TPCN2: variants seen among roughly 807,000 people sequenced by gnomAD.
The protein encoded by TPCN2 is two pore channel protein 2.
TPCN2 carries 92 observed loss-of-function variants against 111.4 expected under a neutral mutation model. The ratio of observed to expected loss-of-function variants is 0.83; its 90% CI spans 0.70 to 0.98. TPCN2 has a LOEUF of 0.98. Ranked by LOEUF, TPCN2 falls within the 50% of genes least tolerant of loss-of-function variation. TPCN2 has a pLI of 0.00. For missense variants in TPCN2, 995 were observed against 980.1 expected, an observed-to-expected ratio of 1.02 and a Z score of -0.20; for synonymous variants, 405 against 414.5, an observed-to-expected ratio of 0.98 and a Z score of 0.28.
At chr11:69,072,083 G>C (rs577078930) in intron 11 of TPCN2, 60 bp downstream of exon 11, 1 of 1,449,894 alleles carries the variant, frequency 6.9e-7, no homozygotes, top group African/African-American at 1.4e-5. Flanking sequence ...TGCTGGGCAG[G>C]GGCCGGGTGT....
intron 9 of TPCN2, among the ~76,000 whole-genome samples, chr11:69,070,855 T>C (rs1218501410): frequency 0.053 from 1,878 of 35,642 alleles, no homozygotes; most frequent in African/African-American, 0.062. Context: ...CAGGGATCCC[T>C]CACCAACAGC....
intron 2 of TPCN2, 34 bp from the exon 3 acceptor site, chr11:69,054,687 C>G: frequency 6.2e-7 from 1 of 1,601,202 alleles, no homozygotes. Context: ...CTGCATGCAC[C>G]CATGTCATGC....
At chr11:69,053,037 G>C (rs1377457217) in intron 1 of TPCN2, among the ~76,000 whole-genome samples, 1 of 152,214 alleles carries the variant, frequency 6.6e-6, no homozygotes, top group African/African-American at 2.4e-5. Flanking sequence ...CGGGTGGGTG[G>C]CCCAGGCTCC....
At chr11:69,059,452 T>C (rs978647123) in intron 5 of TPCN2, among the ~76,000 whole-genome samples, 3 of 152,180 alleles carry the variant, frequency 2.0e-5, no homozygotes, top group African/African-American at 7.2e-5. Flanking sequence ...CTCTTCACCA[T>C]GTTCACTCCC....
rs535353344 is a variant in TPCN2, at chr11:69,071,809, C to A, written c.961-114C>A. The A allele has an allele frequency of 1.3e-5, 12 of 952,436 alleles. No homozygotes were observed. The South Asian group carries it at 1.5e-4, about 12-fold the overall frequency. 59.0% of individuals were successfully genotyped at this position (952,436 alleles called of 1,614,324 possible). On this transcript the variant is annotated intron_variant, in intron 10 of 24. Coordinates refer to ENST00000294309, the MANE Select transcript of TPCN2 (RefSeq NM_139075.4). ...CCCCCAGGCTGTGGGGAACTGGGCC[C>A]CCCCCCAAGGCTGCCCAGACTCCCC...
At position 69,072,941 on chromosome 11, in the gene TPCN2, G is replaced by C. The variant is rs760456371; in HGVS notation, c.1170G>C (p.Leu390=). 5.0e-6 allele frequency: 8 copies of C among 1,613,746 alleles called. No individual in the cohort carries two copies. The highest frequency in any genetic ancestry group is 1.7e-5 in the Admixed American group (1 of 60,002). The part of the protein sequence containing the change: ...MEKVRSYGSV[L]LSAEEFQKLF... ...AGGTGCGTTCCTATGGCAGTGTTCT[G>C]CTCTCAGCTGAGGAGTTTCAGAAGC... Residue 390 remains leucine (L), a synonymous_variant, in exon 13 of 25, where the codon CTG becomes CTC. Transcript: ENST00000294309.
At position 69,067,639 on chromosome 11, in the gene TPCN2, C is replaced by T. The variant is rs377579156; in HGVS notation, c.829+34C>T. ...AGGGCCAGGGAGGGACCGTGGGGGT[C>T]GGTGAGCCCAGCACTGGGGGGCCGG... On this transcript the variant is annotated intron_variant, in intron 8 of 24. Transcript: ENST00000294309. 98 of 1,605,522 alleles carry T rather than the reference C, an allele frequency of 6.1e-5. No individual in the cohort carries two copies. In the African/African-American group the frequency reaches 1.0e-3, roughly 17 times the overall value.
At position 69,089,242 on chromosome 11, in the gene TPCN2, TAATAACAATAAC is replaced by T. The variant is rs56042883; in HGVS notation, c.*1306_*1317del. ...TGAGTTTCTTTTTACTCGTGTTGAATAATAACAATAACAATAACAATAACAATATGGAAACCA... is the reference window on the plus strand; with the variant it reads ...TGAGTTTCTTTTTACTCGTGTTGAATAATAACAATAACAATATGGAAACCA... On this transcript the variant is annotated 3_prime_UTR_variant, in exon 25 of 25. Transcript: ENST00000294309. 4 of 151,238 alleles carry T rather than the reference TAATAACAATAAC, an allele frequency of 2.6e-5. No individual in the cohort carries two copies. Among genetic ancestry groups the T allele is most frequent in the Non-Finnish European group, 4.4e-5 (3 of 67,716 alleles). The allele number at this position is 151,238 out of a possible 1,614,324, so 9.4% of individuals were successfully genotyped here.
At chr11:69,058,887 T>C (rs1854896106) in intron 5 of TPCN2, among the ~76,000 whole-genome samples, 1 of 152,284 alleles carries the variant, frequency 6.6e-6, no homozygotes, top group Admixed American at 6.5e-5. Context: ...TATCATGTTC[T>C]GTAACTTACA....
intron 4 of TPCN2, among the ~76,000 whole-genome samples, chr11:69,055,898 G>A (rs563809703): frequency 3.3e-5 from 5 of 152,366 alleles, no homozygotes; most frequent in African/African-American, 1.2e-4. Flanking sequence ...AAAGAGAAGA[G>A]GAGAGGAGGT....
chr11:69,050,049 G>A (rs1861151856), intron 1 of TPCN2, among the ~76,000 whole-genome samples: 2 of 152,220 alleles, frequency 1.3e-5, no homozygotes, highest in African/African-American at 4.8e-5. Flanking sequence ...AAGGAACTGG[G>A]TTGGAATCCT....
rs1856385234 is a variant in TPCN2, at chr11:69,089,755, A to G, written c.*1802A>G. ...TAGTGTGAAGCGATGCCAATATCCC[A>G]TCCCTGTCAAACTGCCTTTACTTTT... is the stretch of plus-strand genomic sequence containing the variant. On this transcript the variant is annotated 3_prime_UTR_variant, in exon 25 of 25. Coordinates refer to ENST00000294309, the MANE Select transcript of TPCN2 (RefSeq NM_139075.4). 1 of 152,250 alleles carries G rather than the reference A, an allele frequency of 6.6e-6. No individual in the cohort carries two copies. The highest frequency in any genetic ancestry group is 2.4e-5 in the African/African-American group (1 of 41,436). 9.4% of individuals were successfully genotyped at this position (152,250 alleles called of 1,614,324 possible).
At chr11:69,050,564 G>C (rs1861178552) in intron 1 of TPCN2, among the ~76,000 whole-genome samples, 1 of 152,190 alleles carries the variant, frequency 6.6e-6, no homozygotes, top group Non-Finnish European at 1.5e-5. Context: ...TTTTAGTAGA[G>C]ATGGGGTTTC....
rs1354177515 is a variant in TPCN2, at chr11:69,088,854, C to T, written c.*901C>T. 1.3e-5 allele frequency: 2 copies of T among 152,184 alleles called. No homozygotes were observed. Among genetic ancestry groups the T allele is most frequent in the African/African-American group, 2.4e-5 (1 of 41,418 alleles). 9.4% of individuals were successfully genotyped at this position (152,184 alleles called of 1,614,324 possible). On this transcript the variant is annotated 3_prime_UTR_variant, in exon 25 of 25. Coordinates refer to ENST00000294309, the MANE Select transcript of TPCN2 (RefSeq NM_139075.4). Reference sequence around the variant, plus strand: ...TCAGGGGCCAACCCACGCCCCCTTTCTGCTGAGGTTTGGGTGCCATCTAGT... The same window carrying T: ...TCAGGGGCCAACCCACGCCCCCTTTTTGCTGAGGTTTGGGTGCCATCTAGT...
At chr11:69,070,605 C>T in intron 9 of TPCN2, 110 bp downstream of exon 9, 1 of 802,314 alleles carries the variant, frequency 1.2e-6, no homozygotes, top group Non-Finnish European at 2.0e-6. Flanking sequence ...GTTTTTCACT[C>T]CAGAGATCAC....
intron 7 of TPCN2, among the ~76,000 whole-genome samples, chr11:69,067,191 C>T (rs1443801518): frequency 5.9e-5 from 9 of 152,226 alleles, no homozygotes; most frequent in East Asian, 1.9e-4. Flanking sequence ...ATGGCAGAGT[C>T]GGCTGCGAGC....
Position 69,085,767 on chromosome 11 carries a change from C to T in TPCN2, c.1920+15C>T. On this transcript the variant is annotated intron_variant, in intron 21 of 24. Transcript: ENST00000294309. ...ATGACTTTGCGGTGAGCCCTGCGCC[C>T]TGTCCCAGCACCCTGCTCCCCGGGC... 1 of 1,613,838 alleles carries T rather than the reference C, an allele frequency of 6.2e-7. No individual in the cohort carries two copies. The highest frequency in any genetic ancestry group is 8.5e-7 in the Non-Finnish European group (1 of 1,179,696).
Position 69,083,926 on chromosome 11 carries a change from G to C in TPCN2, c.1690-19G>C. The C allele has an allele frequency of 6.2e-7, 1 of 1,612,792 alleles. No individual in the cohort carries two copies. Among genetic ancestry groups the C allele is most frequent in the South Asian group, 1.1e-5 (1 of 91,068 alleles). ...TGGGGCCAGGAGGAGTAAGGGCTGTGCTCTCTTCCTGTCCTCAGCTGATGG... is the reference window on the plus strand; with the variant it reads ...TGGGGCCAGGAGGAGTAAGGGCTGTCCTCTCTTCCTGTCCTCAGCTGATGG... On this transcript the variant is annotated intron_variant, in intron 18 of 24. Transcript: ENST00000294309.
intron 16 of TPCN2, 147 bp downstream of exon 16, chr11:69,079,167 C>T: frequency 9.2e-7 from 1 of 1,090,590 alleles, no homozygotes; most frequent in Admixed American, 2.8e-5. Flanking sequence ...GGCTGGCTTC[C>T]CTGCTGGCCG....
Sources: gnomAD v4.1 joint callset for allele counts (sites outside exome capture counted in the v4.1 genomes callset) on GRCh38, gnomAD v4.1.1 for gene constraint, MANE v1.5 for transcripts, NCBI Gene and HGNC (gene_info 2026-07-23, HGNC 2026-07-21) for gene names.